BBS9: variants seen among roughly 807,000 people sequenced by gnomAD.
BBS9 encodes protein PTHB1.
A neutral mutation model predicts 117.7 loss-of-function variants in BBS9; 89 were observed. That is an observed-to-expected ratio of 0.76 (90% CI 0.64 to 0.90). The LOEUF (loss-of-function observed/expected upper bound fraction) is 0.90, where lower values mean the gene tolerates loss of function less well. BBS9 is among the 40% of genes least tolerant of loss of function. BBS9 has a pLI of 0.00. For missense variants in BBS9, 982 were observed against 1,042.2 expected, an observed-to-expected ratio of 0.94 and a Z score of 0.80; for synonymous variants, 379 against 370.9, an observed-to-expected ratio of 1.02 and a Z score of -0.25.
At chr7:33,466,034 A>G (rs1006747058) in intron 19 of BBS9, among the ~76,000 whole-genome samples, 4 of 152,052 alleles carry the variant, frequency 2.6e-5, no homozygotes, top group Non-Finnish European at 4.4e-5. Flanking sequence ...AGTTGTATAT[A>G]TTTAAAGTAT....
At chr7:33,340,764 C>T (rs770031207) in intron 10 of BBS9, 133 bp from the exon 11 acceptor site, 3 of 655,326 alleles carry the variant, frequency 4.6e-6, no homozygotes. Flanking sequence ...TACTGTAATG[C>T]ATTAGTTTTT....
intron 5 of BBS9, among the ~76,000 whole-genome samples, chr7:33,188,080 A>G (rs909118750): frequency 9.6e-5 from 7 of 73,104 alleles, no homozygotes; most frequent in Admixed American, 1.3e-4. Context: ...AGTTGAGTGA[A>G]TGTGTGTGTG....
At chr7:33,388,562 C>T (rs1563104117) in intron 19 of BBS9, among the ~76,000 whole-genome samples, 1 of 152,136 alleles carries the variant, frequency 6.6e-6, no homozygotes, top group African/African-American at 2.4e-5. Context: ...GCTCATACTT[C>T]TAGTATTATG....
At chr7:33,591,812 A>C (rs1010866854) in intron 21 of BBS9, among the ~76,000 whole-genome samples, 1 of 152,052 alleles carries the variant, frequency 6.6e-6, no homozygotes, top group African/African-American at 2.4e-5. Context: ...TAGTAATAGC[A>C]CTGCTGGTAA....
chr7:33,288,316 A>C (rs187441861), intron 9 of BBS9, among the ~76,000 whole-genome samples: 4 of 152,204 alleles, frequency 2.6e-5, no homozygotes, highest in South Asian at 4.2e-4. Context: ...TTTTGTGTCC[A>C]CACTACTTAA....
At chr7:33,220,252 G>A (rs1367360216) in intron 5 of BBS9, among the ~76,000 whole-genome samples, 1 of 152,040 alleles carries the variant, frequency 6.6e-6, no homozygotes, top group Non-Finnish European at 1.5e-5. Flanking sequence ...AACTCTTCAG[G>A]GGAAATGATG....
chr7:33,494,830 C>T (rs951074833), intron 19 of BBS9, among the ~76,000 whole-genome samples: 6 of 152,148 alleles, frequency 3.9e-5, no homozygotes, highest in African/African-American at 1.4e-4. Flanking sequence ...ATATCTTCAC[C>T]AAGGCAACTT....
intron 19 of BBS9, among the ~76,000 whole-genome samples, chr7:33,477,786 G>A (rs922048470): frequency 6.6e-6 from 1 of 152,202 alleles, no homozygotes; most frequent in African/African-American, 2.4e-5. Flanking sequence ...GACGCAGTGA[G>A]CTTCTAGAAG....
intron 21 of BBS9, among the ~76,000 whole-genome samples, chr7:33,622,203 C>T (rs893349708): frequency 1.3e-4 from 20 of 151,636 alleles, no homozygotes; most frequent in African/African-American, 4.6e-4. Flanking sequence ...GAGACTCAAT[C>T]TCAAAAAATA....
rs185505547 is a variant in BBS9, at chr7:33,172,335, C to T, written c.329-5143C>T. Among the ~76,000 whole-genome samples the T allele has an allele frequency of 1.5e-3, 231 of 150,728 alleles. 1 individual carries two copies. The highest frequency in any genetic ancestry group is 4.5e-3 in the African/African-American group (184 of 41,168). On this transcript the variant is annotated intron_variant, in intron 4 of 22. Transcript: ENST00000242067. ...GGTGGAGCTTGCAGTGAGCCAAGAT[C>T]GTGCCACTGCACTCCAGCCTGGGTG... is the stretch of plus-strand genomic sequence containing the variant.
chr7:33,370,378 G>T (rs1436668190), intron 17 of BBS9, among the ~76,000 whole-genome samples: 1 of 152,106 alleles, frequency 6.6e-6, no homozygotes, highest in African/African-American at 2.4e-5. Flanking sequence ...GCTGAGGTGG[G>T]AGGATCACTT....
intron 21 of BBS9, among the ~76,000 whole-genome samples, chr7:33,572,235 A>T (rs1857923583): frequency 6.6e-6 from 1 of 152,104 alleles, no homozygotes; most frequent in African/African-American, 2.4e-5. Flanking sequence ...CACTTAACGT[A>T]ATGTCCTGTA....
chr7:33,260,256 C>G (rs1797762989), intron 6 of BBS9, among the ~76,000 whole-genome samples: 1 of 152,162 alleles, frequency 6.6e-6, no homozygotes, highest in Admixed American at 6.5e-5. Context: ...CCCGCCTCAG[C>G]CTCCCAAAGT....
intron 19 of BBS9, among the ~76,000 whole-genome samples, chr7:33,458,712 T>G (rs1183520042): frequency 6.6e-6 from 1 of 152,116 alleles, no homozygotes; most frequent in Non-Finnish European, 1.5e-5. Context: ...CCAAGGGGAG[T>G]ACACTGCACT....
intron 21 of BBS9, among the ~76,000 whole-genome samples, chr7:33,573,165 C>A (rs1377325586): frequency 6.6e-6 from 1 of 151,932 alleles, no homozygotes; most frequent in African/African-American, 2.4e-5. Context: ...TACAATAAGA[C>A]ATTTTTGGCC....
At chr7:33,415,097 GA>G (rs1026971277) in intron 19 of BBS9, among the ~76,000 whole-genome samples, 2 of 152,066 alleles carry the variant, frequency 1.3e-5, no homozygotes, top group African/African-American at 4.8e-5. Flanking sequence ...TCCCATTTTG[GA>G]AAAACCAATG....
chr7:33,276,158 C>A (rs966152161), intron 9 of BBS9, among the ~76,000 whole-genome samples: 1 of 152,064 alleles, frequency 6.6e-6, no homozygotes, highest in Non-Finnish European at 1.5e-5. Flanking sequence ...TGAAAGAATT[C>A]CATTGTAATT....
intron 16 of BBS9, among the ~76,000 whole-genome samples, chr7:33,361,246 A>C (rs1820562164): frequency 6.6e-6 from 1 of 152,222 alleles, no homozygotes; most frequent in African/African-American, 2.4e-5. Flanking sequence ...CAATACCAGT[A>C]GTTTTATACA....
intron 9 of BBS9, among the ~76,000 whole-genome samples, chr7:33,309,641 T>C (rs1422318595): frequency 6.6e-6 from 1 of 152,204 alleles, no homozygotes; most frequent in African/African-American, 2.4e-5. Flanking sequence ...GTTTCCAGCC[T>C]GTTGAATGTA....
Sources: allele counts gnomAD v4.1 joint callset (sites outside exome capture counted in the v4.1 genomes callset), GRCh38; gene constraint gnomAD v4.1.1; transcripts MANE v1.5; gene names NCBI Gene and HGNC (gene_info 2026-07-23, HGNC 2026-07-21).